Variants in SAMD8 observed in about 807,000 individuals in gnomAD.
SAMD8 encodes sphingomyelin synthase-related protein 1.
A neutral mutation model predicts 42.0 loss-of-function variants in SAMD8; 20 were observed. The ratio of observed to expected loss-of-function variants is 0.48; its 90% CI spans 0.34 to 0.69. SAMD8 has a LOEUF of 0.69. Ranked by LOEUF, SAMD8 falls within the 30% of genes least tolerant of loss-of-function variation. SAMD8 has a pLI of 0.01. For missense variants in SAMD8, 328 were observed against 511.6 expected (o/e 0.64, Z 3.46); for synonymous variants, 162 against 173.0 (o/e 0.94, Z 0.50).
At chr10:75,130,326 AC>A (rs1452762268) in intron 1 of SAMD8, among the ~76,000 whole-genome samples, 1 of 151,688 alleles carries the variant, frequency 6.6e-6, no homozygotes, top group African/African-American at 2.4e-5. Flanking sequence ...ACATGGAGAA[AC>A]CCCGTCTCTA....
upstream of SAMD8, chr10:75,108,871 C>T: frequency 8.6e-7 from 1 of 1,164,482 alleles, no homozygotes; most frequent in Non-Finnish European, 1.2e-6. Flanking sequence ...CCCCGGGGGT[C>T]CTGGAGAAGG....
upstream of SAMD8, among the ~76,000 whole-genome samples, chr10:75,110,446 G>T (rs527699340): frequency 6.6e-6 from 1 of 152,320 alleles, no homozygotes; most frequent in Non-Finnish European, 1.5e-5. Context: ...GAGCTGCAGT[G>T]GGGAGGTTCC....
At chr10:75,119,191 C>T (rs1335053344) in intron 1 of SAMD8, among the ~76,000 whole-genome samples, 1 of 151,144 alleles carries the variant, frequency 6.6e-6, no homozygotes, top group Non-Finnish European at 1.5e-5. Flanking sequence ...GAGTTTCGCT[C>T]TTGTTACTGA....
intron 3 of SAMD8, among the ~76,000 whole-genome samples, chr10:75,167,627 C>T (rs1016588884): frequency 1.3e-5 from 2 of 152,174 alleles, no homozygotes; most frequent in Non-Finnish European, 2.9e-5. Context: ...AAGTCTCATT[C>T]TGTAACCCAA....
intron 1 of SAMD8, among the ~76,000 whole-genome samples, chr10:75,120,410 C>T (rs1203888846): frequency 6.6e-6 from 1 of 151,876 alleles, no homozygotes; most frequent in Admixed American, 6.6e-5. Flanking sequence ...GCTGGGATTA[C>T]AGGCGCCTGC....
chr10:75,111,198 A>T (rs2134408771), upstream of SAMD8, among the ~76,000 whole-genome samples: 1 of 152,336 alleles, frequency 6.6e-6, no homozygotes, highest in African/African-American at 2.4e-5. Flanking sequence ...TATAACAATG[A>T]TCATTGGGGG....
intron 4 of SAMD8, among the ~76,000 whole-genome samples, chr10:75,171,684 A>C (rs1182084731): frequency 1.3e-5 from 2 of 152,202 alleles, no homozygotes; most frequent in Non-Finnish European, 2.9e-5. Flanking sequence ...TCCTTAAGAT[A>C]AATTATTGCA....
chr10:75,170,551 CT>C (rs1290808491), intron 4 of SAMD8, among the ~76,000 whole-genome samples: 1 of 151,584 alleles, frequency 6.6e-6, no homozygotes, highest in Non-Finnish European at 1.5e-5. Context: ...GTTTTGAGGT[CT>C]TTTTTTCTTT....
intron 1 of SAMD8, among the ~76,000 whole-genome samples, chr10:75,139,577 T>A (rs1169239097): frequency 6.6e-6 from 1 of 152,208 alleles, no homozygotes; most frequent in East Asian, 1.9e-4. Flanking sequence ...TACAGAATTA[T>A]GTATGATGTG....
intron 1 of SAMD8, among the ~76,000 whole-genome samples, chr10:75,142,870 C>G (rs1461135349): frequency 6.6e-6 from 1 of 152,004 alleles, no homozygotes; most frequent in Admixed American, 6.6e-5. Context: ...ATCCTTCTAT[C>G]CTGAAGGACA....
intron 1 of SAMD8, among the ~76,000 whole-genome samples, chr10:75,149,080 C>T (rs572292819): frequency 6.6e-6 from 1 of 151,468 alleles, no homozygotes; most frequent in African/African-American, 2.4e-5. Context: ...GTTTGCCTAC[C>T]ATTTTTAAAA....
intron 1 of SAMD8, among the ~76,000 whole-genome samples, chr10:75,148,423 G>A (rs1056657581): frequency 5.7e-5 from 8 of 139,784 alleles, no homozygotes; most frequent in South Asian, 4.4e-4. Context: ...GCACAATCTC[G>A]GCTCACTGCA....
intron 1 of SAMD8, chr10:75,105,839 C>G: frequency 6.4e-7 from 1 of 1,550,624 alleles, no homozygotes; most frequent in Non-Finnish European, 8.7e-7. Flanking sequence ...GAGCGGCTCA[C>G]GCCCACCACA....
chr10:75,158,885 A>G (rs1004215095), intron 2 of SAMD8, among the ~76,000 whole-genome samples: 9 of 152,186 alleles, frequency 5.9e-5, no homozygotes, highest in African/African-American at 1.9e-4. Context: ...AGCATGTATC[A>G]GCACTACCTT....
chr10:75,124,409 T>C (rs1157607515), intron 1 of SAMD8, among the ~76,000 whole-genome samples: 1 of 152,124 alleles, frequency 6.6e-6, no homozygotes, highest in Non-Finnish European at 1.5e-5. Context: ...GGTCAGGAGT[T>C]CGAGAGCAGT....
intron 1 of SAMD8, among the ~76,000 whole-genome samples, chr10:75,123,998 G>GAT (rs1396044468): frequency 1.3e-5 from 2 of 152,220 alleles, no homozygotes; most frequent in Non-Finnish European, 2.9e-5. Context: ...AAAGTGCTGA[G>GAT]ATTACAGGCG....
intron 4 of SAMD8, among the ~76,000 whole-genome samples, chr10:75,172,389 T>C (rs1840889104): frequency 1.3e-5 from 2 of 152,114 alleles, no homozygotes; most frequent in Admixed American, 1.3e-4. Flanking sequence ...TAGAGTATAG[T>C]GTGGCATGAT....
intron 2 of SAMD8, among the ~76,000 whole-genome samples, chr10:75,154,681 G>GC: frequency 6.6e-6 from 1 of 151,238 alleles, no homozygotes; most frequent in East Asian, 2.0e-4. Flanking sequence ...ATACCCTGGG[G>GC]TGTGGGTGGG....
chr10:75,160,767 T>A (rs1840539627), intron 2 of SAMD8, among the ~76,000 whole-genome samples: 1 of 152,112 alleles, frequency 6.6e-6, no homozygotes, highest in Non-Finnish European at 1.5e-5. Context: ...AGAGGTAAGT[T>A]TATTTGTACT....
Sources: allele counts gnomAD v4.1 joint callset (sites outside exome capture counted in the v4.1 genomes callset), GRCh38; gene constraint gnomAD v4.1.1; transcripts MANE v1.5; gene names NCBI Gene and HGNC (gene_info 2026-07-23, HGNC 2026-07-21).